SUGCT: variants seen among roughly 807,000 people sequenced by gnomAD.
SUGCT encodes the protein succinyl-CoA:glutarate-CoA transferase.
Under a neutral mutation model 55.0 loss-of-function variants are expected in SUGCT, and 41 were observed. The ratio of observed to expected loss-of-function variants is 0.74; its 90% CI spans 0.58 to 0.97. SUGCT has a LOEUF of 0.97. Among genes scored for constraint, SUGCT ranks in the 50% least tolerant of loss-of-function variants. SUGCT has a pLI of 0.00. For synonymous variants in SUGCT, 187 were observed against 200.4 expected (o/e 0.93, Z 0.56); for missense variants, 568 against 547.8 (o/e 1.04, Z -0.37).
chr7:40,663,568 A>C, intron 12 of SUGCT, among the ~76,000 whole-genome samples: 1 of 151,564 alleles, frequency 6.6e-6, no homozygotes, highest in South Asian at 2.1e-4. Context: ...TCTCTCTTGG[A>C]GATCCTCTGT....
At chr7:40,258,142 TC>T (rs1790943280) in intron 7 of SUGCT, among the ~76,000 whole-genome samples, 1 of 152,136 alleles carries the variant, frequency 6.6e-6, no homozygotes, top group African/African-American at 2.4e-5. Context: ...GTAACAAACA[TC>T]CTGGCCTTTT....
chr7:40,230,521 C>T (rs1379813202), intron 6 of SUGCT, among the ~76,000 whole-genome samples: 1 of 152,202 alleles, frequency 6.6e-6, no homozygotes, highest in Admixed American at 6.5e-5. Context: ...GGTAAGCAGG[C>T]TATCGCAGGA....
chr7:40,199,717 G>T (rs1786484938), intron 6 of SUGCT, among the ~76,000 whole-genome samples: 2 of 151,074 alleles, frequency 1.3e-5, no homozygotes. Context: ...TTTCTGGAAG[G>T]ATAAACATTT....
chr7:40,592,506 G>T (rs1584077491), intron 12 of SUGCT, among the ~76,000 whole-genome samples: 1 of 152,150 alleles, frequency 6.6e-6, no homozygotes, highest in Non-Finnish European at 1.5e-5. Flanking sequence ...GGTGAATAAA[G>T]GAGGTTGGAA....
chr7:40,950,388 C>T, the SUGCT span, among the ~76,000 whole-genome samples: 8 of 152,192 alleles, frequency 5.3e-5, no homozygotes, highest in Non-Finnish European at 1.0e-4. Flanking sequence ...GATATACAAC[C>T]ATGTCATCTG....
chr7:40,512,809 A>G (rs1036793530), intron 12 of SUGCT, among the ~76,000 whole-genome samples: 2 of 152,118 alleles, frequency 1.3e-5, no homozygotes, highest in Non-Finnish European at 2.9e-5. Context: ...TGGCCAGAGG[A>G]TAGAGTGCAG....
chr7:40,789,497 A>G (rs1790200555), intron 13 of SUGCT, among the ~76,000 whole-genome samples: 1 of 152,184 alleles, frequency 6.6e-6, no homozygotes, highest in South Asian at 2.1e-4. Flanking sequence ...ATTCCATTGT[A>G]TATATATACA....
intron 13 of SUGCT, among the ~76,000 whole-genome samples, chr7:40,842,694 C>G (rs1024571112): frequency 4.6e-5 from 7 of 152,136 alleles, no homozygotes; most frequent in African/African-American, 1.4e-4. Context: ...TAAAATTGTT[C>G]TTGAACACCT....
intron 12 of SUGCT, among the ~76,000 whole-genome samples, chr7:40,741,411 C>A (rs1191068388): frequency 6.6e-6 from 1 of 152,106 alleles, no homozygotes; most frequent in Admixed American, 6.5e-5. Flanking sequence ...TAAGGAAATG[C>A]AAGTTAAAGC....
chr7:40,555,959 G>T (rs1795539077), intron 12 of SUGCT, among the ~76,000 whole-genome samples: 2 of 151,998 alleles, frequency 1.3e-5, no homozygotes, highest in South Asian at 4.2e-4. Flanking sequence ...CAATGTGTTT[G>T]CCCCTCTTAT....
At chr7:40,752,723 CAA>C (rs1217637934) in intron 13 of SUGCT, among the ~76,000 whole-genome samples, 3 of 150,394 alleles carry the variant, frequency 2.0e-5, no homozygotes, top group African/African-American at 7.3e-5. Flanking sequence ...AGAGAAATTT[CAA>C]AGTTATATGG....
chr7:40,717,187 G>T (rs1240607692), intron 12 of SUGCT, among the ~76,000 whole-genome samples: 1 of 152,162 alleles, frequency 6.6e-6, no homozygotes. Context: ...TGTTCACTGC[G>T]ATAATATTGT....
At chr7:41,027,068 A>G in the SUGCT span, among the ~76,000 whole-genome samples, 3 of 152,204 alleles carry the variant, frequency 2.0e-5, no homozygotes, top group South Asian at 6.2e-4. Flanking sequence ...AGTTTACACA[A>G]AAACAAAAAC....
downstream of SUGCT, among the ~76,000 whole-genome samples, chr7:40,863,451 G>T (rs553453327): frequency 6.6e-6 from 1 of 152,104 alleles, no homozygotes; most frequent in Non-Finnish European, 1.5e-5. Flanking sequence ...GAAACTTTCA[G>T]GTCCCACGTG....
At chr7:40,570,474 A>G (rs1796383042) in intron 12 of SUGCT, among the ~76,000 whole-genome samples, 2 of 152,194 alleles carry the variant, frequency 1.3e-5, no homozygotes, top group Admixed American at 1.3e-4. Context: ...GTTAGAGCTT[A>G]ATGTGAGACA....
intron 12 of SUGCT, among the ~76,000 whole-genome samples, chr7:40,548,995 A>C (rs542447515): frequency 4.6e-5 from 7 of 152,154 alleles, no homozygotes; most frequent in Non-Finnish European, 1.5e-5. Flanking sequence ...GGAGGCCCTC[A>C]CTGAGCTCTT....
chr7:40,270,826 A>G (rs780334312), intron 7 of SUGCT, among the ~76,000 whole-genome samples: 19 of 152,168 alleles, frequency 1.2e-4, no homozygotes, highest in Non-Finnish European at 2.4e-4. Flanking sequence ...CTTCTGCTCC[A>G]TGACTGTGAG....
intron 9 of SUGCT, among the ~76,000 whole-genome samples, chr7:40,403,995 T>C (rs969639104): frequency 1.3e-5 from 2 of 152,194 alleles, no homozygotes; most frequent in Non-Finnish European, 2.9e-5. Flanking sequence ...TGGGTTTCCT[T>C]TTCCACGCTG....
chr7:40,373,659 A>C (rs973227399), intron 9 of SUGCT, among the ~76,000 whole-genome samples: 1 of 152,000 alleles, frequency 6.6e-6, no homozygotes, highest in African/African-American at 2.4e-5. Flanking sequence ...ATATTACTGG[A>C]AGTCACATGC....
Sources: allele counts gnomAD v4.1 joint callset (sites outside exome capture counted in the v4.1 genomes callset), GRCh38; gene constraint gnomAD v4.1.1; transcripts MANE v1.5; gene names NCBI Gene and HGNC (gene_info 2026-07-23, HGNC 2026-07-21).